The following ARHGAP6 variants were observed in gnomAD, a reference collection of about 807,000 sequenced individuals.
ARHGAP6 encodes the protein Rho GTPase activating protein 6, also known as rho GTPase-activating protein 6.
A neutral mutation model predicts 55.7 loss-of-function variants in ARHGAP6; 16 were observed. The ratio of observed to expected loss-of-function variants is 0.29; its 90% CI spans 0.19 to 0.44. The LOEUF is 0.44. ARHGAP6 is among the 20% of genes least tolerant of loss of function. The pLI, the probability that ARHGAP6 is intolerant of heterozygous loss-of-function variation, is 1.00. For missense variants in ARHGAP6, 698 were observed against 808.9 expected, an observed-to-expected ratio of 0.86 and a Z score of 1.66; for synonymous variants, 382 against 360.9, an observed-to-expected ratio of 1.06 and a Z score of -0.66.
At chrX:11,557,713 G>A (rs753959230) in intron 1 of ARHGAP6, among the ~76,000 whole-genome samples, 3 of 112,228 alleles carry the variant, frequency 2.7e-5, no homozygotes, top group African/African-American at 6.5e-5. Flanking sequence ...CCAGTCTCAC[G>A]TTAGGTACCA....
At chrX:11,322,190 T>C (rs1402759011) in intron 1 of ARHGAP6, among the ~76,000 whole-genome samples, 3 of 111,681 alleles carry the variant, frequency 2.7e-5, no homozygotes, top group Non-Finnish European at 5.6e-5. Context: ...TTGGGCGAGA[T>C]CACTTGTTTT....
chrX:11,387,888 G>GT (rs1312023374), intron 1 of ARHGAP6, among the ~76,000 whole-genome samples: 1 of 111,720 alleles, frequency 9.0e-6, no homozygotes, highest in Non-Finnish European at 1.9e-5. Context: ...TGAACTCATT[G>GT]TTTTTTATGG....
At chrX:11,530,323 T>C (rs2051034211) in intron 1 of ARHGAP6, among the ~76,000 whole-genome samples, 1 of 112,170 alleles carries the variant, frequency 8.9e-6, no homozygotes, top group Admixed American at 9.5e-5. Flanking sequence ...TGTGTTCTAA[T>C]GGTGAGAAAG....
intron 1 of ARHGAP6, among the ~76,000 whole-genome samples, chrX:11,509,504 A>G (rs2050764551): frequency 8.9e-6 from 1 of 111,748 alleles, no homozygotes; most frequent in African/African-American, 3.3e-5. Context: ...TTCTTTTCAT[A>G]TGCAAACACT....
intron 1 of ARHGAP6, among the ~76,000 whole-genome samples, chrX:11,553,243 ATT>A (rs35101240): frequency 9.7e-4 from 95 of 98,232 alleles, no homozygotes; most frequent in African/African-American, 2.2e-3. Context: ...TGCTTAGAAC[ATT>A]TTTTTTTTTT....
intron 1 of ARHGAP6, among the ~76,000 whole-genome samples, chrX:11,591,424 C>T (rs1486566288): frequency 9.4e-6 from 1 of 106,878 alleles, no homozygotes; most frequent in African/African-American, 3.4e-5. Flanking sequence ...TAATTTAAAG[C>T]CTCTATTATT....
chrX:11,368,353 T>C (rs925436234), intron 1 of ARHGAP6, among the ~76,000 whole-genome samples: 1 of 112,233 alleles, frequency 8.9e-6, no homozygotes, highest in Non-Finnish European at 1.9e-5. Context: ...GGATAAATAC[T>C]CTTTTCTAAA....
At chrX:11,279,928 A>G (rs1330446825) in intron 1 of ARHGAP6, among the ~76,000 whole-genome samples, 1 of 111,554 alleles carries the variant, frequency 9.0e-6, no homozygotes, top group Non-Finnish European at 1.9e-5. Flanking sequence ...GGGGTCTTCT[A>G]TAAGCACTAG....
chrX:11,522,466 C>A (rs1282654087), intron 1 of ARHGAP6, among the ~76,000 whole-genome samples: 1 of 110,650 alleles, frequency 9.0e-6, no homozygotes, highest in Non-Finnish European at 1.9e-5. Flanking sequence ...TTGAAAAGAT[C>A]AACAAAATCG....
At chrX:11,548,059 A>G (rs909634427) in intron 1 of ARHGAP6, among the ~76,000 whole-genome samples, 1 of 110,817 alleles carries the variant, frequency 9.0e-6, no homozygotes, top group Non-Finnish European at 1.9e-5. Flanking sequence ...ATGACTGGGG[A>G]CCACCCCCAG....
intron 1 of ARHGAP6, among the ~76,000 whole-genome samples, chrX:11,447,027 C>T (rs983853630): frequency 2.7e-5 from 3 of 112,035 alleles, no homozygotes; most frequent in African/African-American, 6.5e-5. Context: ...TTTAGAATAC[C>T]GTCATTGGTC....
chrX:11,494,234 C>G (rs964451940), intron 1 of ARHGAP6, among the ~76,000 whole-genome samples: 4 of 112,134 alleles, frequency 3.6e-5, no homozygotes, highest in African/African-American at 1.3e-4. Context: ...AGGTTGAGAA[C>G]CACTGCATTA....
chrX:11,482,245 G>A (rs1353757068), intron 1 of ARHGAP6, among the ~76,000 whole-genome samples: 1 of 111,980 alleles, frequency 8.9e-6, no homozygotes, highest in East Asian at 2.8e-4. Context: ...TACTTGGGGA[G>A]GAGAAACTCT....
In ARHGAP6 at chrX:11,386,903, T is replaced by C. The variant is rs78860331; in HGVS notation, c.589-132196A>G. On this transcript the variant is annotated intron_variant, in intron 1 of 12. Coordinates refer to ENST00000337414, the MANE Select transcript of ARHGAP6 (RefSeq NM_013427.3). ...GGAAGAAATACCCGCTTAAAAACCA[T>C]ATATATTTTTTAAGGTGGACTGAGG... 6.7e-4 allele frequency among the ~76,000 whole-genome samples: 75 copies of C among 111,848 alleles called. No individual in the cohort carries two copies. In the East Asian group the frequency reaches 0.018, roughly 27 times the overall value.
At chrX:11,196,006 C>T (rs191901955) in intron 3 of ARHGAP6, among the ~76,000 whole-genome samples, 77 of 88,750 alleles carry the variant, frequency 8.7e-4, no homozygotes, top group Non-Finnish European at 1.4e-3. Context: ...TGGTGGTGGG[C>T]GCCTGTAGTC....
intron 1 of ARHGAP6, among the ~76,000 whole-genome samples, chrX:11,423,978 A>C (rs1298330864): frequency 8.9e-6 from 1 of 112,578 alleles, no homozygotes; most frequent in Non-Finnish European, 1.9e-5. Flanking sequence ...TATTGCATTG[A>C]ACTTAATGGA....
chrX:11,578,069 G>A (rs1466758140), intron 1 of ARHGAP6, among the ~76,000 whole-genome samples: 1 of 111,762 alleles, frequency 8.9e-6, no homozygotes, highest in East Asian at 2.8e-4. Flanking sequence ...GAAAGGGGAA[G>A]AAAGGAAACA....
At chrX:11,612,512 C>G (rs1435958025) in intron 1 of ARHGAP6, among the ~76,000 whole-genome samples, 1 of 111,709 alleles carries the variant, frequency 9.0e-6, no homozygotes. Context: ...TTGGAAGGCC[C>G]TAGATAGTTC....
Position 11,324,900 on chromosome X carries a change from G to A in ARHGAP6, c.589-70193C>T, listed in dbSNP as rs901168926. On this transcript the variant is annotated intron_variant, in intron 1 of 12. Transcript: ENST00000337414. ...GGAGTCTTGCTCTGTCGCCCAGGCC[G>A]GACTGCGGACTGCAGTGGCGCAATC... 5.5e-4 allele frequency among the ~76,000 whole-genome samples: 62 copies of A among 112,197 alleles called. 1 individual carries two copies. The highest frequency in any genetic ancestry group is 3.9e-3 in the Admixed American group (42 of 10,659).
Sources: gnomAD v4.1 joint callset for allele counts (sites outside exome capture counted in the v4.1 genomes callset) on GRCh38, gnomAD v4.1.1 for gene constraint, MANE v1.5 for transcripts, NCBI Gene and HGNC (gene_info 2026-07-23, HGNC 2026-07-21) for gene names.